The following FARP2 variants were observed in gnomAD, a reference collection of about 807,000 sequenced individuals.
FARP2 encodes FERM, ARHGEF and pleckstrin domain-containing protein 2.
A neutral mutation model predicts 130.5 loss-of-function variants in FARP2; 111 were observed. That is an observed-to-expected ratio of 0.85 (90% CI 0.73 to 1.00). The LOEUF is 1.00. FARP2 is among the 50% of genes least tolerant of loss of function. The pLI, the probability that FARP2 is intolerant of heterozygous loss-of-function variation, is 0.00. For missense variants in FARP2, 1,385 were observed against 1,346.3 expected (o/e 1.03, Z -0.45); for synonymous variants, 504 against 516.9 (o/e 0.98, Z 0.34).
At chr2:241,406,100 G>A (rs988335283) in intron 4 of FARP2, among the ~76,000 whole-genome samples, 7 of 151,982 alleles carry the variant, frequency 4.6e-5, no homozygotes, top group Admixed American at 1.3e-4. Context: ...TCAGGAGATC[G>A]AGACCATCCT....
chr2:241,484,210 A>C, intron 20 of FARP2, 32 bp from the exon 21 acceptor site: 1 of 1,613,590 alleles, frequency 6.2e-7, no homozygotes, highest in East Asian at 2.2e-5. Flanking sequence ...TTGTTTGTGA[A>C]GTTCATGGAT....
intron 19 of FARP2, among the ~76,000 whole-genome samples, chr2:241,479,223 C>T (rs2064553308): frequency 6.6e-6 from 1 of 152,230 alleles, no homozygotes; most frequent in Non-Finnish European, 1.5e-5. Flanking sequence ...GGTACTATCT[C>T]TTGAGGGGGG....
At chr2:241,464,001 T>C in intron 17 of FARP2, 21 bp downstream of exon 17, 3 of 1,595,174 alleles carry the variant, frequency 1.9e-6, no homozygotes, top group South Asian at 1.1e-5. Context: ...TGGTGACTAC[T>C]GCCTACATGA....
At chr2:241,368,762 A>G (rs1159140817) in intron 1 of FARP2, among the ~76,000 whole-genome samples, 1 of 152,104 alleles carries the variant, frequency 6.6e-6, no homozygotes, top group East Asian at 1.9e-4. Context: ...GTGCGCCACT[A>G]TTCCTGGCTT....
intron 8 of FARP2, among the ~76,000 whole-genome samples, chr2:241,427,150 G>A (rs189287470): frequency 1.1e-4 from 16 of 152,192 alleles, no homozygotes; most frequent in Admixed American, 5.9e-4. Flanking sequence ...TAGGAGAATC[G>A]CTTGAATCCA....
At chr2:241,493,085 C>G (rs778883751) in intron 25 of FARP2, 49 bp downstream of exon 25, 1 of 1,181,414 alleles carries the variant, frequency 8.5e-7, no homozygotes, top group Admixed American at 1.7e-5. Context: ...AGCAGACAGA[C>G]ACTTAACCCT....
At chr2:241,369,451 A>G (rs1286134971) in intron 1 of FARP2, among the ~76,000 whole-genome samples, 1 of 152,032 alleles carries the variant, frequency 6.6e-6, no homozygotes, top group African/African-American at 2.4e-5. Context: ...AGAAGGGACC[A>G]CTTTAGTAAT....
chr2:241,438,514 A>G (rs758425351), intron 12 of FARP2, among the ~76,000 whole-genome samples: 35 of 152,126 alleles, frequency 2.3e-4, no homozygotes, highest in Non-Finnish European at 4.3e-4. Flanking sequence ...CCACAATTGT[A>G]CCACTGCACC....
At chr2:241,480,864 A>C (rs2064596834) in intron 19 of FARP2, among the ~76,000 whole-genome samples, 2 of 152,030 alleles carry the variant, frequency 1.3e-5, no homozygotes, top group Admixed American at 1.3e-4. Context: ...ATTCTTTTGC[A>C]TGTGGAGGTC....
At chr2:241,380,875 G>A (rs745633920) in intron 2 of FARP2, among the ~76,000 whole-genome samples, 28 of 152,012 alleles carry the variant, frequency 1.8e-4, no homozygotes, top group Non-Finnish European at 3.5e-4. Flanking sequence ...TGGGTGGGTA[G>A]TGCGTGTTGA....
rs1553705628 is a variant in FARP2 at position 241,366,104 on chromosome 2, A to ATATAT, written c.-24-6980_-24-6979insTATAT. Among the ~76,000 whole-genome samples, 182 of 56,970 alleles carry ATATAT rather than the reference A, an allele frequency of 3.2e-3. 6 individuals are homozygous for ATATAT. The highest frequency in any genetic ancestry group is 6.9e-3 in the Admixed American group (36 of 5,198). 37.4% of individuals were successfully genotyped at this position (56,970 alleles called of 152,430 possible). A position where few individuals can be genotyped will look rare whatever the true frequency, so the allele number is the denominator to read the frequency against. ...ACCTCATCACTACTAAAAAAAAAAA[A>ATATAT]ATATATATATATATATACGTATATA... On this transcript the variant is annotated intron_variant, in intron 1 of 26. Transcript: ENST00000264042.
chr2:241,431,023 C>T (rs2063077263), intron 8 of FARP2, among the ~76,000 whole-genome samples: 1 of 151,260 alleles, frequency 6.6e-6, no homozygotes, highest in Non-Finnish European at 1.5e-5. Flanking sequence ...AAAAAAAGTG[C>T]AAATCTTTCC....
intron 16 of FARP2, 99 bp from the exon 17 acceptor site, chr2:241,463,800 C>A: frequency 9.4e-7 from 1 of 1,064,690 alleles, no homozygotes. Flanking sequence ...CACCACCTTC[C>A]TCCAGCTGGA....
At chr2:241,381,025 G>T (rs2061649659) in intron 2 of FARP2, among the ~76,000 whole-genome samples, 1 of 152,120 alleles carries the variant, frequency 6.6e-6, no homozygotes, top group South Asian at 2.1e-4. Flanking sequence ...ATGGAATGTG[G>T]ACATGAGTCT....
intron 2 of FARP2, among the ~76,000 whole-genome samples, chr2:241,375,868 C>T (rs1357953349): frequency 6.6e-6 from 1 of 152,046 alleles, no homozygotes; most frequent in Non-Finnish European, 1.5e-5. Context: ...GCTAGGACTA[C>T]AGGTGTGAGC....
At chr2:241,458,227 G>T (rs2063915907) in intron 14 of FARP2, among the ~76,000 whole-genome samples, 1 of 152,138 alleles carries the variant, frequency 6.6e-6, no homozygotes, top group Non-Finnish European at 1.5e-5. Context: ...CCACAGAGAA[G>T]GGAGACATGG....
At chr2:241,483,925 C>T (rs1013264247) in intron 20 of FARP2, 2 of 985,322 alleles carry the variant, frequency 2.0e-6, no homozygotes, top group Non-Finnish European at 2.4e-6. Context: ...TTGTTCCTAC[C>T]AGTTAGTGGG....
At chr2:241,421,696 C>G (rs1333842855) in intron 8 of FARP2, among the ~76,000 whole-genome samples, 3 of 144,386 alleles carry the variant, frequency 2.1e-5, no homozygotes, top group African/African-American at 7.6e-5. Context: ...TTTGGGCCAG[C>G]AACAAGTCAG....
At chr2:241,493,953 G>T in intron 26 of FARP2, 55 bp from the exon 27 acceptor site, 1 of 1,137,432 alleles carries the variant, frequency 8.8e-7, no homozygotes, top group South Asian at 2.5e-5. Context: ...TTGTTCTTGG[G>T]ACAGTGTCTG....
Sources: allele counts gnomAD v4.1 joint callset (sites outside exome capture counted in the v4.1 genomes callset), GRCh38; gene constraint gnomAD v4.1.1; transcripts MANE v1.5; gene names NCBI Gene and HGNC (gene_info 2026-07-23, HGNC 2026-07-21).